Variants in CFAP92 observed in about 807,000 individuals in gnomAD.
The protein encoded by CFAP92 is uncharacterized protein CFAP92.
A neutral mutation model predicts 106.3 loss-of-function variants in CFAP92; 86 were observed. The observed-to-expected ratio is 0.81, with a 90% CI of 0.68 to 0.97. The LOEUF is 0.97. CFAP92 is among the 50% of genes least tolerant of loss of function. CFAP92 has a pLI of 0.00. For missense variants in CFAP92, 1,204 were observed against 1,283.8 expected, an observed-to-expected ratio of 0.94 and a Z score of 0.95; for synonymous variants, 477 against 506.4, an observed-to-expected ratio of 0.94 and a Z score of 0.78.
Position 128,945,440 on chromosome 3 carries a change from G to A in CFAP92, c.1889C>T (p.Ser630Phe). The A allele has an allele frequency of 1.3e-6, 2 of 1,536,176 alleles. No individual in the cohort carries two copies. The highest frequency in any genetic ancestry group is 1.4e-5 in the African/African-American group (1 of 73,174). ...MPRGNYLEAD[S>F]QLKLRVDIAV... ...GATGTCCACTCGCAACTTGAGCTGG[G>A]AGTCAGCCTCTAGGTAGTTGCCCCT... The change falls in exon 10 of 16, where the codon TCC becomes TTC. Residue 630 changes from serine (S) to phenylalanine (F), a missense_variant. By Grantham distance (155) the Ser-to-Phe change is radical. Transcript: ENST00000645291.
chr3:129,001,229 C>A (rs2107841751), intron 1 of CFAP92, among the ~76,000 whole-genome samples: 1 of 152,340 alleles, frequency 6.6e-6, no homozygotes, highest in Non-Finnish European at 1.5e-5. Context: ...TCGGAGCGAA[C>A]TCTCCGCGCC....
intron 7 of CFAP92, among the ~76,000 whole-genome samples, chr3:128,972,018 G>A (rs1337273967): frequency 1.3e-5 from 2 of 152,172 alleles, no homozygotes; most frequent in Non-Finnish European, 2.9e-5. Context: ...AGACGAGAAA[G>A]CCCAGGAACA....
chr3:128,949,783 CTCAAGCA>C (rs1940603810), intron 9 of CFAP92, among the ~76,000 whole-genome samples: 1 of 152,174 alleles, frequency 6.6e-6, no homozygotes, highest in Admixed American at 6.5e-5. Context: ...GCCTCCCAGG[CTCAAGCA>C]ATTCTCCTGC....
At chr3:128,960,785 C>T (rs895001628) in intron 9 of CFAP92, among the ~76,000 whole-genome samples, 91 of 151,504 alleles carry the variant, frequency 6.0e-4, no homozygotes, top group African/African-American at 2.1e-3. Context: ...TTTCCTGGGG[C>T]AGGGGCAAGT....
chr3:128,953,707 A>G (rs1941080909), intron 9 of CFAP92, among the ~76,000 whole-genome samples: 1 of 120,432 alleles, frequency 8.3e-6, no homozygotes, highest in African/African-American at 3.9e-5. Context: ...GCTCACTGCA[A>G]CCTCCCTGCC....
At chr3:128,936,840 A>C (rs1939073496) in intron 10 of CFAP92, among the ~76,000 whole-genome samples, 1 of 152,220 alleles carries the variant, frequency 6.6e-6, no homozygotes, top group Admixed American at 6.5e-5. Flanking sequence ...TAAAATTTTT[A>C]AATTTAGAGA....
At position 128,947,323 on chromosome 3, in the gene CFAP92, T is replaced by C. The variant is rs74914149; in HGVS notation, c.1354-1348A>G. On this transcript the variant is annotated intron_variant, in intron 9 of 15. Transcript: ENST00000645291. ...AAGATGTCAACTCTCCTCAAACCAA[T>C]CAGTTTATAGGTTTACAAATGTAAT... Among the ~76,000 whole-genome samples the C allele has an allele frequency of 1.6e-4, 24 of 152,160 alleles. No individual in the cohort carries two copies. In the East Asian group the frequency reaches 4.4e-3, roughly 28 times the overall value.
chr3:129,010,316 C>T, the CFAP92 span, among the ~76,000 whole-genome samples: 1 of 152,158 alleles, frequency 6.6e-6, no homozygotes, highest in Non-Finnish European at 1.5e-5. This position sits in a 1 kb window ranked among gnomAD's most constrained non-coding sequence, Gnocchi z 4.3. Context: ...AGCTGAGTCC[C>T]CTTGATGGGG....
chr3:128,912,621 G>A (rs1239641680), intron 15 of CFAP92: 2 of 1,609,236 alleles, frequency 1.2e-6, no homozygotes, highest in Non-Finnish European at 1.7e-6. Flanking sequence ...AGGGGACAGT[G>A]TCCCCTGCTA....
intron 15 of CFAP92, among the ~76,000 whole-genome samples, chr3:128,912,299 A>G (rs1296346244): frequency 3.3e-5 from 5 of 152,146 alleles, no homozygotes; most frequent in Non-Finnish European, 7.4e-5. Context: ...GATGAGCAGG[A>G]TGAGTCCTTT....
chr3:129,014,456 G>T, the CFAP92 span, among the ~76,000 whole-genome samples: 755 of 152,324 alleles, frequency 5.0e-3, 7 homozygotes, highest in African/African-American at 0.017. The surrounding 1 kb of genome is among the most constrained non-coding windows in gnomAD (Gnocchi z 4.3). Flanking sequence ...CTGTATCCTC[G>T]CGTGGTCTTC....
intron 13 of CFAP92, among the ~76,000 whole-genome samples, 172 bp from the exon 14 acceptor site, chr3:128,915,735 C>G (rs750251705): frequency 6.6e-6 from 1 of 152,122 alleles, no homozygotes; most frequent in Admixed American, 6.6e-5. Flanking sequence ...ATTATTGTCC[C>G]CTTTGATGGG....
chr3:128,954,938 G>T (rs1941226918), intron 9 of CFAP92, among the ~76,000 whole-genome samples: 1 of 33,484 alleles, frequency 3.0e-5, no homozygotes. Context: ...CCCCCGCCCG[G>T]CCAGCCGCCC....
At chr3:128,990,636 C>A (rs551281285) in intron 2 of CFAP92, among the ~76,000 whole-genome samples, 2 of 152,324 alleles carry the variant, frequency 1.3e-5, no homozygotes, top group African/African-American at 4.8e-5. Context: ...TGGTTCACGT[C>A]TGTAATTCCA....
intron 12 of CFAP92, among the ~76,000 whole-genome samples, chr3:128,927,185 C>T (rs924961186): frequency 6.6e-6 from 1 of 152,086 alleles, no homozygotes; most frequent in Non-Finnish European, 1.5e-5. Context: ...TGGCCACCTA[C>T]AAGCCAAGAG....
At chr3:128,977,902 G>A in intron 5 of CFAP92, 143 bp downstream of exon 5, 2 of 907,072 alleles carry the variant, frequency 2.2e-6, no homozygotes, top group Non-Finnish European at 3.4e-6. Context: ...ATACAGCCGT[G>A]TGGCAGGGTG....
At chr3:129,024,255 G>A in the CFAP92 span, among the ~76,000 whole-genome samples, 1 of 152,122 alleles carries the variant, frequency 6.6e-6, no homozygotes, top group African/African-American at 2.4e-5. Context: ...TTGGGGCTGG[G>A]TCTAGTGGCT....
At chr3:128,977,507 T>C (rs1331617265) in intron 5 of CFAP92, among the ~76,000 whole-genome samples, 3 of 152,230 alleles carry the variant, frequency 2.0e-5, no homozygotes, top group African/African-American at 4.8e-5. Context: ...CTGTTTGTTT[T>C]ATACTTTTAT....
At chr3:128,981,523 G>T (rs939151318) in intron 4 of CFAP92, among the ~76,000 whole-genome samples, 1 of 151,514 alleles carries the variant, frequency 6.6e-6, no homozygotes, top group African/African-American at 2.4e-5. Context: ...TGGAGATAGG[G>T]TTTCACTATG....
Sources: allele counts gnomAD v4.1 joint callset (sites outside exome capture counted in the v4.1 genomes callset), GRCh38; gene constraint gnomAD v4.1.1; non-coding constraint Gnocchi (gnomAD v3.1); transcripts MANE v1.5; gene names NCBI Gene and HGNC (gene_info 2026-07-23, HGNC 2026-07-21).